ATG10: variants seen among roughly 807,000 people sequenced by gnomAD.
ATG10 encodes ubiquitin-like-conjugating enzyme ATG10.
In ATG10, 30 loss-of-function variants were observed where a neutral mutation model predicts 32.1. The observed-to-expected ratio is 0.94, with a 90% CI of 0.70 to 1.27. The LOEUF (loss-of-function observed/expected upper bound fraction) is 1.27. Among genes scored for constraint, ATG10 ranks in the 50% most tolerant of loss-of-function variants. ATG10 has a pLI of 0.00. For synonymous variants in ATG10, 87 were observed against 91.5 expected (o/e 0.95, Z 0.28); for missense variants, 233 against 262.3 (o/e 0.89, Z 0.77).
intron 3 of ATG10, among the ~76,000 whole-genome samples, chr5:82,059,505 C>T (rs1478251067): frequency 6.6e-6 from 1 of 151,580 alleles, no homozygotes; most frequent in East Asian, 1.9e-4. Context: ...CCATTGCATT[C>T]CATCCTATGG....
chr5:82,226,026 A>G (rs932457000), intron 5 of ATG10, among the ~76,000 whole-genome samples: 3 of 152,142 alleles, frequency 2.0e-5, no homozygotes, highest in Admixed American at 2.0e-4. Context: ...AAGTCAATTC[A>G]TATTTATTCT....
At chr5:82,014,056 A>T (rs1219713835) in intron 2 of ATG10, among the ~76,000 whole-genome samples, 3 of 152,208 alleles carry the variant, frequency 2.0e-5, no homozygotes, top group Non-Finnish European at 4.4e-5. Flanking sequence ...TTCAAAGAAC[A>T]TCTTTATTTC....
intron 2 of ATG10, among the ~76,000 whole-genome samples, chr5:82,033,759 C>T (rs1042266662): frequency 5.8e-4 from 82 of 140,316 alleles, no homozygotes; most frequent in African/African-American, 1.8e-3. Context: ...CACACACACA[C>T]ATATGTGTGT....
intron 3 of ATG10, 147 bp downstream of exon 3, chr5:82,058,749 T>A: frequency 1.9e-6 from 1 of 532,880 alleles, no homozygotes; most frequent in Non-Finnish European, 3.3e-6. Context: ...TTTAATTCTG[T>A]TAAGTAAATA....
chr5:81,987,690 A>T lies in ATG10; in HGVS notation c.108+12A>T, dbSNP rs749077841. On this transcript the variant is annotated intron_variant, in intron 2 of 7. Coordinates refer to ENST00000282185, the MANE Select transcript of ATG10 (RefSeq NM_031482.5). The stretch of plus-strand genomic sequence containing the variant: ...GGAGACCATCAAAGGTAAGAATGGA[A>T]ATGTTTGTTTTCTGTCTCAAAAGAG... The T allele has an allele frequency of 1.0e-5, 16 of 1,581,142 alleles. No homozygotes were observed. In the South Asian group the frequency reaches 1.7e-4, roughly 17 times the overall value.
intron 2 of ATG10, among the ~76,000 whole-genome samples, chr5:82,049,590 C>T (rs1177642318): frequency 6.6e-6 from 1 of 151,406 alleles, no homozygotes; most frequent in Non-Finnish European, 1.5e-5. Flanking sequence ...ACTTCTTATA[C>T]AAGTGAGCAC....
intron 3 of ATG10, among the ~76,000 whole-genome samples, chr5:82,136,686 A>G (rs776246058): frequency 9.9e-5 from 15 of 151,952 alleles, no homozygotes; most frequent in African/African-American, 1.7e-4. Flanking sequence ...TGATGATTAT[A>G]TGTTGGGGTT....
intron 3 of ATG10, among the ~76,000 whole-genome samples, chr5:82,105,853 A>G (rs757458403): frequency 5.9e-5 from 9 of 152,178 alleles, no homozygotes; most frequent in African/African-American, 1.7e-4. Context: ...TCTTGTTCAC[A>G]TGGAGATTTC....
In ATG10 at chr5:82,088,652, G is replaced by A. The variant is rs890881306; in HGVS notation, c.216+30050G>A. 5.3e-5 allele frequency among the ~76,000 whole-genome samples: 8 copies of A among 152,216 alleles called. No homozygotes were observed. In the South Asian group the frequency reaches 6.2e-4, roughly 12 times the overall value. ...TTTAAAGAAAAAATTGAAAGGCTTC[G>A]TGTGACTGATTGGATATAGAAAGTA... On this transcript the variant is annotated intron_variant, in intron 3 of 7. Transcript: ENST00000282185.
At chr5:82,212,059 A>G (rs990192590) in intron 5 of ATG10, among the ~76,000 whole-genome samples, 2 of 152,144 alleles carry the variant, frequency 1.3e-5, no homozygotes, top group African/African-American at 4.8e-5. Flanking sequence ...AAGTCATTCT[A>G]TTCCCCTCCT....
intron 3 of ATG10, among the ~76,000 whole-genome samples, chr5:82,159,077 G>A (rs952373325): frequency 2.6e-5 from 4 of 152,038 alleles, no homozygotes; most frequent in African/African-American, 9.7e-5. Context: ...CACTACCCTT[G>A]TGCCTTGGGG....
At chr5:82,035,239 AC>A (rs1762880155) in intron 2 of ATG10, among the ~76,000 whole-genome samples, 1 of 151,964 alleles carries the variant, frequency 6.6e-6, no homozygotes, top group Non-Finnish European at 1.5e-5. Flanking sequence ...TGCACTTAAA[AC>A]CACTTGTTCT....
Position 82,253,301 on chromosome 5 carries a change from A to T in ATG10, c.552-13A>T. ...GAAACGTTAGCATGGCCTGTATTTC[A>T]CTTGTTTCCTAGGAATGTCAACTAT... On this transcript the variant is annotated splice_polypyrimidine_tract_variant and intron_variant, in intron 6 of 7. Transcript: ENST00000282185. The T allele has an allele frequency of 6.4e-7, 1 of 1,568,232 alleles. No homozygotes were observed. Among genetic ancestry groups the T allele is most frequent in the East Asian group, 2.2e-5 (1 of 44,626 alleles).
intron 3 of ATG10, among the ~76,000 whole-genome samples, chr5:82,137,431 G>T (rs1385463468): frequency 6.6e-6 from 1 of 152,130 alleles, no homozygotes; most frequent in Non-Finnish European, 1.5e-5. Flanking sequence ...TTGATGCTAT[G>T]TTCCTTTCTG....
intron 3 of ATG10, among the ~76,000 whole-genome samples, chr5:82,124,513 TG>T (rs1766182249): frequency 6.6e-6 from 1 of 151,884 alleles, no homozygotes; most frequent in Admixed American, 6.6e-5. Context: ...GCATTCTGAT[TG>T]TTCAACTCTC....
intron 3 of ATG10, among the ~76,000 whole-genome samples, chr5:82,117,391 T>A (rs1219583248): frequency 2.0e-5 from 3 of 152,166 alleles, no homozygotes; most frequent in Admixed American, 2.0e-4. Flanking sequence ...TTTAAAAATT[T>A]ATGCAAGTCA....
At chr5:82,055,265 A>C (rs963704639) in intron 2 of ATG10, among the ~76,000 whole-genome samples, 1 of 152,192 alleles carries the variant, frequency 6.6e-6, no homozygotes, top group Non-Finnish European at 1.5e-5. Flanking sequence ...CCACTACCAA[A>C]TATAGAGCAA....
At chr5:82,156,142 G>C (rs1767791444) in intron 3 of ATG10, among the ~76,000 whole-genome samples, 1 of 152,076 alleles carries the variant, frequency 6.6e-6, no homozygotes, top group Non-Finnish European at 1.5e-5. Flanking sequence ...CTCCCTCCGA[G>C]AGGAGACCAA....
rs1039549764 is a variant in ATG10, at chr5:82,213,578, A to G, written c.453+34991A>G. On this transcript the variant is annotated intron_variant, in intron 5 of 7. Transcript: ENST00000282185. The stretch of plus-strand genomic sequence containing the variant: ...GAAGATTACTGGAAACCACCTTATA[A>G]TGAGAATATTACCTGGTGAACCTAG... Among the ~76,000 whole-genome samples, 5 of 152,326 alleles carry G rather than the reference A, an allele frequency of 3.3e-5. 1 individual carries two copies. The highest frequency in any genetic ancestry group is 1.2e-4 in the African/African-American group (5 of 41,584).
Sources: allele counts gnomAD v4.1 joint callset (sites outside exome capture counted in the v4.1 genomes callset), GRCh38; gene constraint gnomAD v4.1.1; transcripts MANE v1.5; gene names NCBI Gene and HGNC (gene_info 2026-07-23, HGNC 2026-07-21).